Variants in BSDC1 observed in about 807,000 individuals in gnomAD.
BSDC1 encodes BSD domain-containing protein 1.
BSDC1 carries 29 observed loss-of-function variants against 56.0 expected under a neutral mutation model. The observed-to-expected ratio is 0.52, with a 90% CI of 0.39 to 0.71. The LOEUF (loss-of-function observed/expected upper bound fraction) is 0.71. Among genes scored for constraint, BSDC1 ranks in the 30% least tolerant of loss-of-function variants. The pLI, the probability that BSDC1 is intolerant of heterozygous loss-of-function variation, is 0.00. For synonymous variants in BSDC1, 210 were observed against 215.3 expected, an observed-to-expected ratio of 0.98 and a Z score of 0.21; for missense variants, 477 against 548.5, an observed-to-expected ratio of 0.87 and a Z score of 1.30.
intron 1 of BSDC1, 120 bp downstream of exon 1, chr1:32,394,282 CTG>C (rs930246655): frequency 1.3e-6 from 2 of 1,573,346 alleles, no homozygotes; most frequent in Admixed American, 3.4e-5. Flanking sequence ...CGACTCCACT[CTG>C]CCCTTTCAGA....
chr1:32,379,221 G>A (rs562859791), intron 5 of BSDC1, among the ~76,000 whole-genome samples: 7 of 151,786 alleles, frequency 4.6e-5, no homozygotes, highest in Non-Finnish European at 7.4e-5. Flanking sequence ...TGAAGCCCTC[G>A]TCTCTCCTGG....
At chr1:32,386,015 T>G (rs1004226957) in intron 3 of BSDC1, among the ~76,000 whole-genome samples, 1 of 152,030 alleles carries the variant, frequency 6.6e-6, no homozygotes, top group African/African-American at 2.4e-5. Context: ...GAATAAGGTT[T>G]GCAGTTTAAG....
At chr1:32,373,509 C>T (rs779984185) in intron 9 of BSDC1, among the ~76,000 whole-genome samples, 8 of 152,054 alleles carry the variant, frequency 5.3e-5, no homozygotes, top group Non-Finnish European at 1.2e-4. Flanking sequence ...TCACTTCTTG[C>T]ATATACTTTC....
chr1:32,389,766 A>C (rs1642800296), intron 2 of BSDC1, among the ~76,000 whole-genome samples: 1 of 151,600 alleles, frequency 6.6e-6, no homozygotes, highest in Non-Finnish European at 1.5e-5. Flanking sequence ...CAGTTTGGAC[A>C]CTATGGCAAA....
At chr1:32,367,452 G>T in intron 10 of BSDC1, 2 of 985,344 alleles carry the variant, frequency 2.0e-6, no homozygotes, top group Non-Finnish European at 2.4e-6. Context: ...CTCCCCCAAG[G>T]CTTCAGTTTC....
intron 10 of BSDC1, chr1:32,367,769 T>TATTA: frequency 1.1e-6 from 1 of 913,686 alleles, no homozygotes; most frequent in African/African-American, 1.8e-5. Flanking sequence ...TTATCACTAA[T>TATTA]GTCTCCTGAG....
intron 2 of BSDC1, chr1:32,393,677 T>C (rs900947102): frequency 1.4e-4 from 28 of 194,982 alleles, no homozygotes; most frequent in Non-Finnish European, 2.6e-4. Flanking sequence ...TCAAGACCTA[T>C]CAGAGTGCTG....
chr1:32,376,457 C>G lies in BSDC1; in HGVS notation c.961G>C (p.Val321Leu), dbSNP rs769196804. The change falls in exon 9 of 11, where the codon GTG becomes CTG. Residue 321 changes from valine (V) to leucine (L), a missense_variant. By Grantham distance (32) the Val-to-Leu change is conservative (BLOSUM62 1). Transcript: ENST00000455895. ...EASLEEQGLA[V>L]DVGETGPSPP... ...GAGGGTCCAGTCTCACCCACATCCA[C>G]AGCCAGGCCCTGTTCCTCCAAGGAT... 2 of 1,612,938 alleles carry G rather than the reference C, an allele frequency of 1.2e-6. No individual in the cohort carries two copies. Among genetic ancestry groups the G allele is most frequent in the East Asian group, 4.5e-5 (2 of 44,864 alleles).
Position 32,386,768 on chromosome 1 carries a change from G to A in BSDC1, c.189+11C>T. 6.2e-7 allele frequency: 1 copy of A among 1,610,446 alleles called. No individual in the cohort carries two copies. The highest frequency in any genetic ancestry group is 8.5e-7 in the Non-Finnish European group (1 of 1,177,658). ...GGGGCAGTTACTTGGGAGGGTTTGGGTGGTACTCACAGCCAGCTTCTCCTT... is the reference window on the plus strand; with the variant it reads ...GGGGCAGTTACTTGGGAGGGTTTGGATGGTACTCACAGCCAGCTTCTCCTT... On this transcript the variant is annotated intron_variant, in intron 3 of 10. Coordinates refer to ENST00000455895, the MANE Select transcript of BSDC1 (RefSeq NM_018045.8).
At position 32,378,988 on chromosome 1, in the gene BSDC1, G is replaced by A; in HGVS notation, c.413-149C>T. On this transcript the variant is annotated intron_variant, in intron 5 of 10. Coordinates refer to ENST00000455895, the MANE Select transcript of BSDC1 (RefSeq NM_018045.8). This position sits in a 1 kb window ranked among gnomAD's most constrained non-coding sequence, Gnocchi z 5.2. ...CCAAGGGTAGGGGGTCAGGCAGGGT[G>A]AAGGGGCGGGTGCCGCACCTGAGTG... 2.1e-6 allele frequency: 1 copy of A among 482,850 alleles called. No individual in the cohort carries two copies. Among genetic ancestry groups the A allele is most frequent in the Non-Finnish European group, 3.6e-6 (1 of 274,902 alleles). 29.9% of individuals were successfully genotyped at this position (482,850 alleles called of 1,614,324 possible).
At chr1:32,372,450 T>G (rs921720202) in intron 9 of BSDC1, among the ~76,000 whole-genome samples, 1 of 152,248 alleles carries the variant, frequency 6.6e-6, no homozygotes, top group Non-Finnish European at 1.5e-5. Flanking sequence ...TGGCAGAACC[T>G]TTCAGGGGTA....
chr1:32,379,554 T>C (rs1490374819), intron 5 of BSDC1, among the ~76,000 whole-genome samples: 1 of 152,154 alleles, frequency 6.6e-6, no homozygotes, highest in Non-Finnish European at 1.5e-5. Flanking sequence ...TCCTATCTCC[T>C]CCCTTATCCA....
chr1:32,371,770 G>A (rs1297343927), intron 9 of BSDC1, among the ~76,000 whole-genome samples: 1 of 152,042 alleles, frequency 6.6e-6, no homozygotes, highest in Non-Finnish European at 1.5e-5. Flanking sequence ...TCCTTCTATG[G>A]TATCCTGCAT....
At chr1:32,366,898 A>G in intron 10 of BSDC1, 1 of 1,237,120 alleles carries the variant, frequency 8.1e-7, no homozygotes. Flanking sequence ...ACTTCCCCCA[A>G]CCAACACCAG....
intron 5 of BSDC1, among the ~76,000 whole-genome samples, chr1:32,379,767 TA>T (rs1189267299): frequency 6.6e-6 from 1 of 152,216 alleles, no homozygotes; most frequent in Non-Finnish European, 1.5e-5. Context: ...TTGTGTCTTT[TA>T]TATGTACACT....
chr1:32,384,069 A>G, intron 3 of BSDC1, 72 bp from the exon 4 acceptor site: 1 of 1,603,450 alleles, frequency 6.2e-7, no homozygotes. Context: ...GGGGTAAAAC[A>G]TTGGGGCAAA....
In BSDC1 at chr1:32,379,307, T is replaced by C. The variant is rs114432102; in HGVS notation, c.413-468A>G. Among the ~76,000 whole-genome samples, 608 of 152,258 alleles carry C rather than the reference T, an allele frequency of 4.0e-3. 3 individuals carry two copies. Among genetic ancestry groups the C allele is most frequent in the African/African-American group, 0.014 (580 of 41,552 alleles). ...GTCTCTGTGGGCTTCTCGTTTTCCTTTCCTTTCCATATCTCTCTGGCTTTT... is the reference window on the plus strand; with the variant it reads ...GTCTCTGTGGGCTTCTCGTTTTCCTCTCCTTTCCATATCTCTCTGGCTTTT... On this transcript the variant is annotated intron_variant, in intron 5 of 10. Coordinates refer to ENST00000455895, the MANE Select transcript of BSDC1 (RefSeq NM_018045.8).
intron 3 of BSDC1, among the ~76,000 whole-genome samples, chr1:32,385,327 T>C (rs1227769269): frequency 1.3e-5 from 2 of 152,146 alleles, no homozygotes; most frequent in Admixed American, 1.3e-4. Flanking sequence ...AAACTACCTA[T>C]GGGGTACTAG....
chr1:32,381,311 T>C, intron 4 of BSDC1, 43 bp from the exon 5 acceptor site: 4 of 1,589,566 alleles, frequency 2.5e-6, no homozygotes, highest in Non-Finnish European at 3.4e-6. Context: ...TCTGAGATAC[T>C]GGGCATAGAA....
Sources: gnomAD v4.1 joint callset for allele counts (sites outside exome capture counted in the v4.1 genomes callset) on GRCh38, gnomAD v4.1.1 for gene constraint, Gnocchi (gnomAD v3.1) non-coding constraint, MANE v1.5 for transcripts, NCBI Gene and HGNC (gene_info 2026-07-23, HGNC 2026-07-21) for gene names.